MALRD1: variants seen among roughly 807,000 people sequenced by gnomAD.
MALRD1 encodes MAM and LDL receptor class A domain containing 1, also known as MAM and LDL-receptor class A domain-containing protein 1.
Under a neutral mutation model 242.1 loss-of-function variants are expected in MALRD1, and 247 were observed. The ratio of observed to expected loss-of-function variants is 1.02; its 90% CI spans 0.92 to 1.13. MALRD1 has a LOEUF of 1.13. MALRD1 is among the 50% of genes most tolerant of loss of function. MALRD1 has a pLI of 0.00. For missense variants in MALRD1, 2,989 were observed against 2,533.1 expected, an observed-to-expected ratio of 1.18 and a Z score of -3.86; for synonymous variants, 995 against 866.6, an observed-to-expected ratio of 1.15 and a Z score of -2.60.
At chr10:19,550,796 A>G (rs547905230) in intron 32 of MALRD1, among the ~76,000 whole-genome samples, 294 of 152,276 alleles carry the variant, frequency 1.9e-3, no homozygotes, top group Non-Finnish European at 3.6e-3. Context: ...TAGTGCTGCA[A>G]TGAACATACA....
chr10:19,270,419 A>G (rs1412201907), intron 19 of MALRD1, among the ~76,000 whole-genome samples: 3 of 151,594 alleles, frequency 2.0e-5, no homozygotes, highest in African/African-American at 7.3e-5. Context: ...AGATGACCTA[A>G]AAACTGTGAC....
intron 11 of MALRD1, among the ~76,000 whole-genome samples, chr10:19,147,287 A>T (rs1452004617): frequency 6.6e-6 from 1 of 152,222 alleles, no homozygotes; most frequent in Non-Finnish European, 1.5e-5. Context: ...CATATTTTTA[A>T]TTACAGCCAT....
intron 26 of MALRD1, among the ~76,000 whole-genome samples, chr10:19,360,938 A>G (rs1365360690): frequency 6.6e-6 from 1 of 152,070 alleles, no homozygotes; most frequent in South Asian, 2.1e-4. Flanking sequence ...ATTCTTTCAT[A>G]TAGCTTTACT....
intron 32 of MALRD1, among the ~76,000 whole-genome samples, chr10:19,547,785 C>T (rs1410609963): frequency 1.2e-4 from 2 of 16,204 alleles, no homozygotes; most frequent in Non-Finnish European, 2.8e-4. Context: ...TTCACAGATA[C>T]ATATATATAT....
intron 21 of MALRD1, among the ~76,000 whole-genome samples, chr10:19,283,541 C>T (rs1840931423): frequency 6.6e-6 from 1 of 152,074 alleles, no homozygotes; most frequent in Admixed American, 6.6e-5. Flanking sequence ...CCTCCTCCTC[C>T]CATTTCCTCT....
chr10:19,691,473 T>A (rs1842817435), intron 36 of MALRD1, among the ~76,000 whole-genome samples: 1 of 152,146 alleles, frequency 6.6e-6, no homozygotes, highest in Non-Finnish European at 1.5e-5. Flanking sequence ...GTTTTCATCC[T>A]ATTTTGTAGC....
At chr10:19,674,295 A>G (rs1378882282) in intron 36 of MALRD1, among the ~76,000 whole-genome samples, 2 of 152,206 alleles carry the variant, frequency 1.3e-5, no homozygotes, top group East Asian at 1.9e-4. Flanking sequence ...TGCAAAGCCT[A>G]GCAAATAGAA....
At position 19,599,344 on chromosome 10, in the gene MALRD1, A is replaced by C. The variant is rs1025229140; in HGVS notation, c.5944+3887A>C. Among the ~76,000 whole-genome samples, 3 of 152,162 alleles carry C rather than the reference A, an allele frequency of 2.0e-5. No individual in the cohort carries two copies. The East Asian group carries it at 5.8e-4, about 29-fold the overall frequency. ...AAACCTGTGAGTTCAACGTTTAAGA[A>C]CACTTCGTATTGAATATTGTCTTTC... On this transcript the variant is annotated intron_variant, in intron 34 of 39. Coordinates refer to ENST00000454679, the MANE Select transcript of MALRD1 (RefSeq NM_001142308.3).
intron 29 of MALRD1, among the ~76,000 whole-genome samples, chr10:19,467,444 A>G (rs181787731): frequency 6.7e-6 from 1 of 150,344 alleles, no homozygotes; most frequent in Non-Finnish European, 1.5e-5. Flanking sequence ...GCTATCTCCA[A>G]ATATACTAAC....
chr10:19,234,624 C>T (rs1435533395), intron 18 of MALRD1, among the ~76,000 whole-genome samples: 5 of 72,432 alleles, frequency 6.9e-5, no homozygotes, highest in Non-Finnish European at 1.3e-4. Flanking sequence ...TCAAAGGGAG[C>T]TTATCTTTAA....
intron 11 of MALRD1, among the ~76,000 whole-genome samples, chr10:19,152,600 G>T (rs1224552001): frequency 6.6e-6 from 1 of 151,776 alleles, no homozygotes; most frequent in Non-Finnish European, 1.5e-5. Flanking sequence ...ATCAGGAGTT[G>T]GACATTTCTT....
At chr10:19,661,994 A>G (rs1195157740) in intron 36 of MALRD1, among the ~76,000 whole-genome samples, 3 of 152,150 alleles carry the variant, frequency 2.0e-5, no homozygotes, top group Non-Finnish European at 2.9e-5. Context: ...TCATTTTCCA[A>G]TATATAAATG....
At chr10:19,617,237 G>C (rs1329176757) in intron 36 of MALRD1, among the ~76,000 whole-genome samples, 1 of 151,906 alleles carries the variant, frequency 6.6e-6, no homozygotes, top group Non-Finnish European at 1.5e-5. Flanking sequence ...AAATCCAGAT[G>C]GTGAAGTCTT....
At position 19,175,744 on chromosome 10, in the gene MALRD1, T is replaced by C. The variant is rs1242806002; in HGVS notation, c.1951+416T>C. ...GAGTTCAAAAAAAGCAAAAAGGTTG[T>C]GTTTGGGAAAATGATGTAAGGCCAA... is the stretch of plus-strand genomic sequence containing the variant. On this transcript the variant is annotated intron_variant, in intron 14 of 39. Transcript: ENST00000454679. 2.6e-5 allele frequency among the ~76,000 whole-genome samples: 4 copies of C among 152,150 alleles called. No individual in the cohort carries two copies. The East Asian group carries it at 7.7e-4, about 29-fold the overall frequency.
At chr10:19,066,371 G>A (rs1264248360) in intron 1 of MALRD1, among the ~76,000 whole-genome samples, 1 of 152,184 alleles carries the variant, frequency 6.6e-6, no homozygotes, top group South Asian at 2.1e-4. Flanking sequence ...CACAGGACAG[G>A]ATGTTATTGT....
chr10:19,102,506 G>T (rs565860910), intron 4 of MALRD1, among the ~76,000 whole-genome samples: 68 of 152,176 alleles, frequency 4.5e-4, no homozygotes, highest in African/African-American at 1.6e-3. Context: ...AGGGATGAAA[G>T]AATTTCCCAT....
chr10:19,153,710 A>T (rs899629468), intron 11 of MALRD1, among the ~76,000 whole-genome samples: 2 of 151,532 alleles, frequency 1.3e-5, no homozygotes, highest in Non-Finnish European at 2.9e-5. Flanking sequence ...AAAAGAAAAG[A>T]AAATTAAATT....
chr10:19,063,076 G>A (rs926269550), intron 1 of MALRD1, among the ~76,000 whole-genome samples: 7 of 151,766 alleles, frequency 4.6e-5, no homozygotes, highest in African/African-American at 1.7e-4. Flanking sequence ...GCCTGGGGAG[G>A]TCAAGACCAC....
chr10:19,409,793 T>C (rs367647177), intron 28 of MALRD1, among the ~76,000 whole-genome samples: 28 of 152,126 alleles, frequency 1.8e-4, no homozygotes, highest in African/African-American at 5.8e-4. Flanking sequence ...ATTTACATTC[T>C]AGTAGTGATT....
Sources: gnomAD v4.1 joint callset for allele counts (sites outside exome capture counted in the v4.1 genomes callset) on GRCh38, gnomAD v4.1.1 for gene constraint, MANE v1.5 for transcripts, NCBI Gene and HGNC (gene_info 2026-07-23, HGNC 2026-07-21) for gene names.